The following TRPM7 variants were observed in gnomAD, a reference collection of about 807,000 sequenced individuals.
TRPM7 encodes LTRPC ion channel family member 7.
TRPM7 carries 134 observed loss-of-function variants against 229.7 expected under a neutral mutation model. The observed-to-expected ratio is 0.58, with a 90% confidence interval of 0.51 to 0.67. The LOEUF is 0.67. TRPM7 is among the 30% of genes least tolerant of loss of function. TRPM7 has a pLI of 0.00. For synonymous variants in TRPM7, 699 were observed against 715.2 expected, an observed-to-expected ratio of 0.98 and a Z score of 0.36; for missense variants, 1,901 against 2,210.0, an observed-to-expected ratio of 0.86 and a Z score of 2.80.
intron 12 of TRPM7, among the ~76,000 whole-genome samples, chr15:50,622,600 T>C (rs2060442610): frequency 1.3e-5 from 2 of 152,244 alleles, no homozygotes; most frequent in East Asian, 1.9e-4. Flanking sequence ...AAGAAAATAA[T>C]GGAAGCTGGG....
intron 27 of TRPM7, among the ~76,000 whole-genome samples, chr15:50,587,538 T>C (rs1286375321): frequency 6.6e-6 from 1 of 151,552 alleles, no homozygotes; most frequent in Non-Finnish European, 1.5e-5. Flanking sequence ...AAGGAGTACC[T>C]GCCACTTAAA....
At chr15:50,684,995 C>T (rs1596361507) in intron 1 of TRPM7, among the ~76,000 whole-genome samples, 1 of 152,132 alleles carries the variant, frequency 6.6e-6, no homozygotes, top group Non-Finnish European at 1.5e-5. Flanking sequence ...AAGTCCTTGT[C>T]TTTTTAGACA....
intron 36 of TRPM7, 122 bp downstream of exon 36, chr15:50,574,149 GCTT>G (rs2054026140): frequency 1.4e-6 from 1 of 738,470 alleles, no homozygotes; most frequent in Non-Finnish European, 2.2e-6. Context: ...TGATTAACTT[GCTT>G]TTTTATAGCT....
chr15:50,640,150 C>T (rs1473050103), intron 5 of TRPM7, among the ~76,000 whole-genome samples: 1 of 152,106 alleles, frequency 6.6e-6, no homozygotes, highest in Non-Finnish European at 1.5e-5. Context: ...ATCGGTGGCA[C>T]AGGACCATAC....
intron 38 of TRPM7, among the ~76,000 whole-genome samples, chr15:50,567,516 AAAAC>A (rs1335112604): frequency 4.6e-5 from 7 of 152,176 alleles, no homozygotes; most frequent in Admixed American, 2.6e-4. Flanking sequence ...AGTGCCCCAT[AAAAC>A]AAACCTACCA....
At position 50,631,407 on chromosome 15, in the gene TRPM7, A is replaced by G. The variant is rs1429711292; in HGVS notation, c.1204+10T>C. 1.3e-6 allele frequency: 2 copies of G among 1,587,392 alleles called. No individual in the cohort carries two copies. Among genetic ancestry groups the G allele is most frequent in the East Asian group, 4.5e-5 (2 of 44,634 alleles). On this transcript the variant is annotated intron_variant, in intron 10 of 38. Coordinates refer to ENST00000646667, the MANE Select transcript of TRPM7 (RefSeq NM_017672.6). ...AGGTCTTACAAATAAAAAAGTTCTT[A>G]GAGGCTTACCTTTTAGCAGTGCAGT...
intron 1 of TRPM7, among the ~76,000 whole-genome samples, chr15:50,683,456 CA>C (rs139346079): frequency 0.023 from 3,530 of 151,828 alleles, 62 homozygotes; most frequent in Non-Finnish European, 0.037. Context: ...AAAAAGAAGC[CA>C]GGGTCAGTGG....
At chr15:50,561,953 G>A in intron 38 of TRPM7, 145 bp from the exon 39 acceptor site, 2 of 776,476 alleles carry the variant, frequency 2.6e-6, no homozygotes, top group Non-Finnish European at 3.8e-6. Flanking sequence ...GGAGTGCAAT[G>A]GCGCGATCTC....
chr15:50,582,416 C>G (rs1041726632), intron 29 of TRPM7: 1 of 152,128 alleles, frequency 6.6e-6, no homozygotes, highest in African/African-American at 2.4e-5. Flanking sequence ...ATTCCACTAT[C>G]TTATCAGAAA....
chr15:50,624,350 C>G (rs762859933), intron 11 of TRPM7, 50 bp from the exon 12 acceptor site: 41 of 1,460,788 alleles, frequency 2.8e-5, no homozygotes, highest in Admixed American at 4.5e-5. Flanking sequence ...TCTAATTATA[C>G]AAACACTTTT....
At chr15:50,679,539 T>TATATA (rs1491586861) in intron 1 of TRPM7, among the ~76,000 whole-genome samples, 2 of 22,292 alleles carry the variant, frequency 9.0e-5, no homozygotes, top group African/African-American at 2.1e-4. Flanking sequence ...TATATATATA[T>TATATA]TTTTTTTTTT....
chr15:50,579,472 C>A (rs940202508), intron 30 of TRPM7, among the ~76,000 whole-genome samples: 1 of 152,212 alleles, frequency 6.6e-6, no homozygotes, highest in Admixed American at 6.5e-5. Context: ...CATTCCTTTG[C>A]CTGCTGCTAA....
At chr15:50,603,421 C>T (rs1339732800) in intron 21 of TRPM7, among the ~76,000 whole-genome samples, 1 of 151,960 alleles carries the variant, frequency 6.6e-6, no homozygotes, top group African/African-American at 2.4e-5. Context: ...CACTCATTTA[C>T]ATTAGGTATA....
intron 13 of TRPM7, among the ~76,000 whole-genome samples, chr15:50,617,850 G>A (rs2060272069): frequency 6.6e-6 from 1 of 151,870 alleles, no homozygotes; most frequent in Non-Finnish European, 1.5e-5. Context: ...TAGAGAAAAG[G>A]TCTCGCTTTG....
At chr15:50,647,061 A>C (rs1220011300) in intron 4 of TRPM7, among the ~76,000 whole-genome samples, 2 of 152,198 alleles carry the variant, frequency 1.3e-5, no homozygotes, top group African/African-American at 4.8e-5. Context: ...ACATATCCCC[A>C]TTCTTAAGTG....
intron 1 of TRPM7, among the ~76,000 whole-genome samples, chr15:50,681,264 T>TACACAC (rs72070923): frequency 0.05 from 7,417 of 146,960 alleles, 304 homozygotes; most frequent in African/African-American, 0.12. Flanking sequence ...AATAAATAAA[T>TACACAC]ACACACACAC....
rs1426167147 is a variant in TRPM7 at position 50,684,710 on chromosome 15, T to G, written c.3+1821A>C. On this transcript the variant is annotated intron_variant, in intron 1 of 38. Coordinates refer to ENST00000646667, the MANE Select transcript of TRPM7 (RefSeq NM_017672.6). The stretch of plus-strand genomic sequence containing the variant: ...TGTTACATGACACTACAGGGATGCA[T>G]TCAACAAAATCCAAACTGATGGAAA... Among the ~76,000 whole-genome samples, 9 of 152,076 alleles carry G rather than the reference T, an allele frequency of 5.9e-5. No homozygotes were observed. In the South Asian group the frequency reaches 8.3e-4, roughly 14 times the overall value.
chr15:50,633,150 A>C (rs1567047608), intron 8 of TRPM7, among the ~76,000 whole-genome samples, 158 bp from the exon 9 acceptor site: 1 of 152,224 alleles, frequency 6.6e-6, no homozygotes. Flanking sequence ...TGAGACTCCC[A>C]ACACAAATGT....
At chr15:50,668,610 T>C (rs1013400078) in intron 1 of TRPM7, among the ~76,000 whole-genome samples, 1 of 152,108 alleles carries the variant, frequency 6.6e-6, no homozygotes, top group Admixed American at 6.6e-5. Context: ...GGGGTCCAAG[T>C]AATTCTCCTG....
Sources: gnomAD v4.1 joint callset for allele counts (sites outside exome capture counted in the v4.1 genomes callset) on GRCh38, gnomAD v4.1.1 for gene constraint, MANE v1.5 for transcripts, NCBI Gene and HGNC (gene_info 2026-07-23, HGNC 2026-07-21) for gene names.